Variants in ZMIZ2 observed in about 807,000 individuals in gnomAD.
ZMIZ2 encodes the protein zinc finger MIZ-type containing 2, also known as zinc finger MIZ domain-containing protein 2.
Under a neutral mutation model 93.9 loss-of-function variants are expected in ZMIZ2, and 26 were observed. The ratio of observed to expected loss-of-function variants is 0.28; its 90% CI spans 0.20 to 0.38. The LOEUF is 0.38. ZMIZ2 is among the 10% of genes least tolerant of loss of function. The pLI, the probability that ZMIZ2 is intolerant of heterozygous loss-of-function variation, is 1.00. For synonymous variants in ZMIZ2, 485 were observed against 516.4 expected, an observed-to-expected ratio of 0.94 and a Z score of 0.82; for missense variants, 1,023 against 1,235.0, an observed-to-expected ratio of 0.83 and a Z score of 2.57.
rs1160171915 is a variant in ZMIZ2, at chr7:44,768,635, C to T, written c.*1012C>T. On this transcript the variant is annotated 3_prime_UTR_variant, in exon 19 of 19. Transcript: ENST00000309315. ...GCCCCAGCCTGTGCGAGCAGGGCGCCTGGGCTGTTGTGTCTCCTGTCTGTG... is the reference window on the plus strand; with the variant it reads ...GCCCCAGCCTGTGCGAGCAGGGCGCTTGGGCTGTTGTGTCTCCTGTCTGTG... 2.0e-5 allele frequency: 3 copies of T among 152,306 alleles called. No individual in the cohort carries two copies. In the East Asian group the frequency reaches 5.8e-4, roughly 29 times the overall value. 9.4% of individuals were successfully genotyped at this position (152,306 alleles called of 1,614,324 possible). A position where few individuals can be genotyped will look rare whatever the true frequency, so the allele number is the denominator to read the frequency against.
chr7:44,766,261 C>T lies in ZMIZ2; in HGVS notation c.2340C>T (p.Pro780=), dbSNP rs567025862. The change falls in exon 17 of 19, where the codon CCC becomes CCT. Residue 780 remains proline (P), a synonymous_variant. Transcript: ENST00000309315. The surrounding 1 kb of genome is among the most constrained non-coding windows in gnomAD (Gnocchi z 4.4). ...CTGAGTTCACCCCGGGACCACCCCC[C>T]ATCTCCTACCAGTCTGACATTCCCA... is the stretch of plus-strand genomic sequence containing the variant. ...TLAEFTPGPP[P]ISYQSDIPSS... 6.3e-7 allele frequency: 1 copy of T among 1,599,912 alleles called. No individual in the cohort carries two copies. The highest frequency in any genetic ancestry group is 1.3e-5 in the African/African-American group (1 of 74,514).
chr7:44,761,910 GTGTCC>G lies in ZMIZ2; in HGVS notation c.1596+8_1596+12del. 6.2e-6 allele frequency: 10 copies of G among 1,610,544 alleles called. No individual in the cohort carries two copies. Among genetic ancestry groups the G allele is most frequent in the Non-Finnish European group, 8.5e-6 (10 of 1,179,584 alleles). ...ACCGTCACCGCCTGCTGCTGCGTGC[GTGTCC>G]TGCGCCGAGGGGGCGGTGCTGTGGC... On this transcript the variant is annotated splice_donor_region_variant and intron_variant, in intron 11 of 18. Transcript: ENST00000309315. This position sits in a 1 kb window ranked among gnomAD's most constrained non-coding sequence, Gnocchi z 5.8.
Position 44,766,774 on chromosome 7 carries a change from C to T in ZMIZ2, c.2655+111C>T. The T allele has an allele frequency of 2.0e-6, 3 of 1,498,448 alleles. No individual in the cohort carries two copies. Among genetic ancestry groups the T allele is most frequent in the Non-Finnish European group, 2.7e-6 (3 of 1,117,106 alleles). The allele number at this position is 1,498,448 out of a possible 1,614,324, so 92.8% of individuals were successfully genotyped here. ...GACAGTGACCCCTCAGAGAGCCGGT[C>T]AGATAAGGTCAACTAAATGCAGCTT... On this transcript the variant is annotated intron_variant, in intron 18 of 18. Coordinates refer to ENST00000309315, the MANE Select transcript of ZMIZ2 (RefSeq NM_031449.4). This position sits in a 1 kb window ranked among gnomAD's most constrained non-coding sequence, Gnocchi z 4.4.
At chr7:44,750,923 G>A (rs1790086965) in intron 1 of ZMIZ2, 1 of 152,216 alleles carries the variant, frequency 6.6e-6, no homozygotes, top group Admixed American at 6.5e-5. Flanking sequence ...GCCAGGAGAT[G>A]AGAAGAGGAT....
Position 44,769,490 on chromosome 7 carries a change from G to A in ZMIZ2, c.*1867G>A, listed in dbSNP as rs1353588345. The A allele has an allele frequency of 6.5e-6, 1 of 152,776 alleles. No individual in the cohort carries two copies. The highest frequency in any genetic ancestry group is 2.4e-5 in the African/African-American group (1 of 41,462). 9.5% of individuals were successfully genotyped at this position (152,776 alleles called of 1,614,324 possible). On this transcript the variant is annotated 3_prime_UTR_variant, in exon 19 of 19. Transcript: ENST00000309315. ...CTCTCTGGATGAGGGAACAGAAGTGGAGGAAACAAAAGAAGCAGCAGCACG... is the reference window on the plus strand; with the variant it reads ...CTCTCTGGATGAGGGAACAGAAGTGAAGGAAACAAAAGAAGCAGCAGCACG...
rs970106519 is a variant in ZMIZ2, at chr7:44,768,103, C to T, written c.*480C>T. 4 of 169,366 alleles carry T rather than the reference C, an allele frequency of 2.4e-5. No homozygotes were observed. Among genetic ancestry groups the T allele is most frequent in the Non-Finnish European group, 5.1e-5 (4 of 79,016 alleles). The allele number at this position is 169,366 out of a possible 1,614,324, so 10.5% of individuals were successfully genotyped here. Reference sequence around the variant, plus strand: ...CTTTGGCTCCAGTGGCCCCTGTGCCCAGCAGTCCAGCTCTTGGAACCTCGC... The same window carrying T: ...CTTTGGCTCCAGTGGCCCCTGTGCCTAGCAGTCCAGCTCTTGGAACCTCGC... On this transcript the variant is annotated 3_prime_UTR_variant, in exon 19 of 19. Coordinates refer to ENST00000309315, the MANE Select transcript of ZMIZ2 (RefSeq NM_031449.4).
Position 44,756,277 on chromosome 7 carries a change from G to A in ZMIZ2, c.28G>A (p.Ala10Thr), listed in dbSNP as rs766383849. The part of the protein sequence containing the change: MNSMNPMKP[A>T]LPPAPHGDGS... ...GAACTCCATGAACCCCATGAAACCT[G>A]CCCTGCCCCCTGCGCCACACGGGTG... The change falls in exon 2 of 19, where the codon GCC becomes ACC. Residue 10 changes from alanine (A) to threonine (T), a missense_variant. Physicochemically the swap from Ala to Thr is moderately conservative, Grantham distance 58. Transcript: ENST00000309315. 1.2e-6 allele frequency: 2 copies of A among 1,614,002 alleles called. No homozygotes were observed. The highest frequency in any genetic ancestry group is 1.7e-6 in the Non-Finnish European group (2 of 1,180,000).
rs565479034 is a variant in ZMIZ2, at chr7:44,761,983, G to C, written c.1596+78G>C. 1.6e-4 allele frequency: 223 copies of C among 1,400,770 alleles called. 5 individuals carry two copies. The South Asian group carries it at 3.2e-3, about 20-fold the overall frequency. The allele number at this position is 1,400,770 out of a possible 1,614,324, so 86.8% of individuals were successfully genotyped here. A position where few individuals can be genotyped will look rare whatever the true frequency, so the allele number is the denominator to read the frequency against. On this transcript the variant is annotated intron_variant, in intron 11 of 18. Coordinates refer to ENST00000309315, the MANE Select transcript of ZMIZ2 (RefSeq NM_031449.4). This position sits in a 1 kb window ranked among gnomAD's most constrained non-coding sequence, Gnocchi z 5.8. ...GGGGCCTGGCCCAGCGGTGCCGTGG[G>C]GTGGGGCGGGGTGTGGGCGGGGCCT...
rs999053479 is a variant in ZMIZ2 at position 44,764,421 on chromosome 7, C to T, written c.1863C>T (p.Cys621=). Residue 621 remains cysteine, a splice_region_variant and synonymous_variant, in exon 14 of 19, where the codon TGC becomes TGT. Transcript: ENST00000309315. The stretch of plus-strand genomic sequence containing the variant: ...ACTTTCTTCCCATCTCTCTACAGTG[C>T]TTTGACCTGGAGTCGTACCTGCAGC... ...ARGHDCRHIQ[C]FDLESYLQLN... is the part of the protein sequence containing the mutation. 3.7e-6 allele frequency: 6 copies of T among 1,614,204 alleles called. No homozygotes were observed. Among genetic ancestry groups the T allele is most frequent in the Non-Finnish European group, 5.1e-6 (6 of 1,180,018 alleles).
intron 1 of ZMIZ2, among the ~76,000 whole-genome samples, chr7:44,755,589 A>AGGAT (rs1790518869): frequency 2.6e-5 from 4 of 152,184 alleles, no homozygotes; most frequent in Non-Finnish European, 5.9e-5. Flanking sequence ...CCCCAAGGCC[A>AGGAT]GGATGGAGAG....
Position 44,768,140 on chromosome 7 carries a change from C to G in ZMIZ2, c.*517C>G, listed in dbSNP as rs950799015. 5 of 162,808 alleles carry G rather than the reference C, an allele frequency of 3.1e-5. No individual in the cohort carries two copies. The highest frequency in any genetic ancestry group is 1.2e-4 in the African/African-American group (5 of 41,642). The allele number at this position is 162,808 out of a possible 1,614,324, so 10.1% of individuals were successfully genotyped here. ...TCTTGGAACCTCGCTGAATGGCAGC[C>G]TCTTGGGGGCCTGGAGCTCTGGCAG... On this transcript the variant is annotated 3_prime_UTR_variant, in exon 19 of 19. Transcript: ENST00000309315.
Position 44,757,115 on chromosome 7 carries a change from G to A in ZMIZ2, c.334G>A (p.Gly112Arg), listed in dbSNP as rs61730930. 3.2e-4 allele frequency: 519 copies of A among 1,600,118 alleles called. 2 individuals carry two copies. In the African/African-American group the frequency reaches 6.2e-3, roughly 19 times the overall value. ...GYVQQGVYSR[G>R]GYPGAPGFTT... Reference sequence around the variant, plus strand: ...CGTGCAGCAAGGCGTGTACAGCCGCGGGGGCTACCCTGGGGCCCCCGGCTT... The same window carrying A: ...CGTGCAGCAAGGCGTGTACAGCCGCAGGGGCTACCCTGGGGCCCCCGGCTT... The change falls in exon 4 of 19, where the codon GGG (glycine) becomes AGG (arginine). Residue 112 changes from glycine (G) to arginine (R), a missense_variant. Transcript: ENST00000309315.
At position 44,765,717 on chromosome 7, in the gene ZMIZ2, GC is replaced by G. The variant is rs1224629103; in HGVS notation, c.2242+140del. On this transcript the variant is annotated intron_variant, in intron 16 of 18. Transcript: ENST00000309315. The surrounding 1 kb of genome is among the most constrained non-coding windows in gnomAD (Gnocchi z 4.1). ...TTATCAGTGTTGCCACACAAAACAT[GC>G]CGCGGGGCACCTCCAGCCCCTCCCA... 7.7e-7 allele frequency: 1 copy of G among 1,306,812 alleles called. No individual in the cohort carries two copies. Among genetic ancestry groups the G allele is most frequent in the Non-Finnish European group, 1.0e-6 (1 of 966,776 alleles). The allele number at this position is 1,306,812 out of a possible 1,614,324, so 81.0% of individuals were successfully genotyped here. A position where few individuals can be genotyped will look rare whatever the true frequency, so the allele number is the denominator to read the frequency against.
rs763312673 is a variant in ZMIZ2, at chr7:44,757,492, CGCCACA to C, written c.495_500del (p.Ala166_Thr167del). 13 of 1,606,850 alleles carry C rather than the reference CGCCACA, an allele frequency of 8.1e-6. No homozygotes were observed. Among genetic ancestry groups the C allele is most frequent in the African/African-American group, 2.7e-5 (2 of 74,872 alleles). ...TGGCTGCTGCGGCAGCCACTGCCAC[CGCCACA>C]GCCACAGCCACCGTGGCTGCTCTCC... is the stretch of plus-strand genomic sequence containing the variant. On this transcript the variant is annotated inframe_deletion, in exon 5 of 19. Coordinates refer to ENST00000309315, the MANE Select transcript of ZMIZ2 (RefSeq NM_031449.4).
chr7:44,756,930 T>C lies in ZMIZ2; in HGVS notation c.166-17T>C. 1 of 1,609,610 alleles carries C rather than the reference T, an allele frequency of 6.2e-7. No individual in the cohort carries two copies. The highest frequency in any genetic ancestry group is 8.5e-7 in the Non-Finnish European group (1 of 1,178,750). On this transcript the variant is annotated splice_polypyrimidine_tract_variant and intron_variant, in intron 3 of 18. Transcript: ENST00000309315. ...TTGTTTGGCTGGTTCCCTTTGGTGA[T>C]TCCTGCTTCCTCATAGGTTTTGGGG... is the stretch of plus-strand genomic sequence containing the variant.
At position 44,761,609 on chromosome 7, in the gene ZMIZ2, C is replaced by T. The variant is rs1791186508; in HGVS notation, c.1385+16C>T. 1 of 1,613,676 alleles carries T rather than the reference C, an allele frequency of 6.2e-7. No homozygotes were observed. The highest frequency in any genetic ancestry group is 1.3e-5 in the African/African-American group (1 of 75,038). On this transcript the variant is annotated intron_variant, in intron 10 of 18. Transcript: ENST00000309315. This position sits in a 1 kb window ranked among gnomAD's most constrained non-coding sequence, Gnocchi z 5.8. The stretch of plus-strand genomic sequence containing the variant: ...TGATAATGAGGTGAGCTCCGCCTGG[C>T]CCCCACCTGACCCCCACGAGGCTCT...
chr7:44,752,389 C>A (rs1303882729), intron 1 of ZMIZ2, among the ~76,000 whole-genome samples: 2 of 152,128 alleles, frequency 1.3e-5, no homozygotes, highest in East Asian at 1.9e-4. Context: ...ATGATCTGCC[C>A]ACTTCAGCCT....
At chr7:44,758,795 T>C (rs1336053008) in intron 6 of ZMIZ2, among the ~76,000 whole-genome samples, 1 of 151,384 alleles carries the variant, frequency 6.6e-6, no homozygotes, top group African/African-American at 2.4e-5. Context: ...GCGCCTGCAG[T>C]CCCAGCTACT....
intron 11 of ZMIZ2, 133 bp downstream of exon 11, chr7:44,762,038 G>C: frequency 8.3e-7 from 1 of 1,203,528 alleles, no homozygotes; most frequent in African/African-American, 1.6e-5. Flanking sequence ...AGCGGAGCCA[G>C]GACATGGGCG....
Sources: allele counts gnomAD v4.1 joint callset (sites outside exome capture counted in the v4.1 genomes callset), GRCh38; gene constraint gnomAD v4.1.1; non-coding constraint Gnocchi (gnomAD v3.1); transcripts MANE v1.5; gene names NCBI Gene and HGNC (gene_info 2026-07-23, HGNC 2026-07-21).